Variants in SPTBN2 observed in about 807,000 individuals in gnomAD.
The protein encoded by SPTBN2 is spectrin beta chain, non-erythrocytic 2.
In SPTBN2, 107 loss-of-function variants were observed where a neutral mutation model predicts 284.2. The observed-to-expected ratio is 0.38, with a 90% CI of 0.32 to 0.44. SPTBN2 has a LOEUF of 0.44. SPTBN2 is among the 20% of genes least tolerant of loss of function. SPTBN2 has a pLI of 1.00. For synonymous variants in SPTBN2, 1,289 were observed against 1,354.8 expected (o/e 0.95, Z 1.07); for missense variants, 2,569 against 3,287.1 (o/e 0.78, Z 5.34).
At chr11:66,737,919 TTTC>T (rs1479248586) in intron 1 of SPTBN2, among the ~76,000 whole-genome samples, 3 of 151,996 alleles carry the variant, frequency 2.0e-5, no homozygotes, top group Non-Finnish European at 4.4e-5. Context: ...ACCTTTAAGA[TTTC>T]TTCTAATTTA....
At chr11:66,690,374 C>T in intron 27 of SPTBN2, 91 bp from the exon 28 acceptor site, 1 of 1,447,546 alleles carries the variant, frequency 6.9e-7, no homozygotes, top group Non-Finnish European at 9.1e-7. Context: ...CACCTCCTGC[C>T]TGTCTCACAG....
intron 1 of SPTBN2, among the ~76,000 whole-genome samples, chr11:66,737,596 G>T (rs1190252354): frequency 1.3e-5 from 2 of 152,196 alleles, no homozygotes; most frequent in Admixed American, 6.5e-5. Context: ...AACCACTGCT[G>T]CCCAAAGCTG....
At chr11:66,731,229 T>C (rs575005949), upstream of SPTBN2, among the ~76,000 whole-genome samples, 12 of 152,298 alleles carry the variant, frequency 7.9e-5, no homozygotes, top group African/African-American at 2.4e-4. Flanking sequence ...AGGAAGCACA[T>C]TGAATAAAGA....
chr11:66,722,307 T>A (rs12788626), intron 1 of SPTBN2, among the ~76,000 whole-genome samples: 6 of 150,760 alleles, frequency 4.0e-5, no homozygotes, highest in African/African-American at 7.3e-5. Flanking sequence ...GGGCGCGGTG[T>A]CTCACGCCTG....
intron 15 of SPTBN2, among the ~76,000 whole-genome samples, chr11:66,703,475 G>A (rs1248779547): frequency 2.0e-5 from 3 of 150,494 alleles, no homozygotes; most frequent in African/African-American, 7.3e-5. Flanking sequence ...GCTCATGCCT[G>A]TAATCCCAGT....
At position 66,700,571 on chromosome 11, in the gene SPTBN2, T is replaced by A. The variant is rs761875807; in HGVS notation, c.3528A>T (p.Gly1176=). The change falls in exon 17 of 38, where the codon GGA becomes GGT. Residue 1176 remains glycine (G), a synonymous_variant. Transcript: ENST00000533211. The surrounding 1 kb of genome is among the most constrained non-coding windows in gnomAD (Gnocchi z 6.6). ...GRLAQAHGFQ[G]FLRDARQAEG... is the part of the protein sequence containing the mutation. Reference sequence around the variant, plus strand: ...CAGCCTGACGAGCATCCCGCAGGAATCCCTGGAAGCCGTGGGCCTGGGCCA... The same window carrying A: ...CAGCCTGACGAGCATCCCGCAGGAAACCCTGGAAGCCGTGGGCCTGGGCCA... 2.5e-6 allele frequency: 4 copies of A among 1,607,372 alleles called. No homozygotes were observed. The South Asian group carries it at 3.3e-5, about 13-fold the overall frequency.
At chr11:66,722,994 G>A (rs1168627277) in intron 1 of SPTBN2, among the ~76,000 whole-genome samples, 1 of 151,934 alleles carries the variant, frequency 6.6e-6, no homozygotes, top group Non-Finnish European at 1.5e-5. Context: ...GACTCTGGGG[G>A]ACACGCTCTT....
Position 66,711,016 on chromosome 11 carries a change from G to A in SPTBN2, c.786C>T (p.Asp262=). ...KLLDPEDVNV[D]QPDEKSIITY... is the part of the protein sequence containing the mutation. ...TAATGATTGACTTCTCATCTGGCTG[G>A]TCCACATTCACGTCTGCAAGAGAGG... The change falls in exon 9 of 38, where the codon GAC becomes GAT. Residue 262 remains aspartate (D), a synonymous_variant. Coordinates refer to ENST00000533211, the MANE Select transcript of SPTBN2 (RefSeq NM_006946.4). The A allele has an allele frequency of 6.2e-7, 1 of 1,614,128 alleles. No individual in the cohort carries two copies. Among genetic ancestry groups the A allele is most frequent in the Non-Finnish European group, 8.5e-7 (1 of 1,180,016 alleles).
chr11:66,717,713 GCA>G (rs1942211552), intron 3 of SPTBN2, among the ~76,000 whole-genome samples: 1 of 152,144 alleles, frequency 6.6e-6, no homozygotes, highest in Non-Finnish European at 1.5e-5. Context: ...GGCCATTTTG[GCA>G]CACAGTCAGA....
intron 5 of SPTBN2, among the ~76,000 whole-genome samples, chr11:66,714,950 C>T (rs1205299662): frequency 6.6e-6 from 1 of 152,212 alleles, no homozygotes; most frequent in African/African-American, 2.4e-5. Context: ...GTGGACCAAC[C>T]TGTGGTCCTG....
intron 3 of SPTBN2, among the ~76,000 whole-genome samples, 181 bp downstream of exon 3, chr11:66,720,903 T>C (rs543028833): frequency 6.6e-6 from 1 of 152,128 alleles, no homozygotes; most frequent in Non-Finnish European, 1.5e-5. Context: ...CTGGGGAAAG[T>C]TCTGAATGGC....
Position 66,687,435 on chromosome 11 carries a change from A to T in SPTBN2, c.6714T>A (p.Ala2238=). ...CTCCAGAGAGGCTGTACCTGTTGGCAGCCTTCTTCCCGAAGGCCTCCATCT... is the reference window on the plus strand; with the variant it reads ...CTCCAGAGAGGCTGTACCTGTTGGCTGCCTTCTTCCCGAAGGCCTCCATCT... The part of the protein sequence containing the change: ...KQEMEAFGKK[A]ANRSWQNVYC... Residue 2238 remains alanine (A), a synonymous_variant, in exon 35 of 38, where the codon GCT becomes GCA. Transcript: ENST00000533211. This position sits in a 1 kb window ranked among gnomAD's most constrained non-coding sequence, Gnocchi z 5.2. 9.3e-6 allele frequency: 15 copies of T among 1,606,292 alleles called. No individual in the cohort carries two copies. The highest frequency in any genetic ancestry group is 1.1e-5 in the Non-Finnish European group (13 of 1,179,964).
intron 25 of SPTBN2, 106 bp downstream of exon 25, chr11:66,692,864 T>C: frequency 6.3e-7 from 1 of 1,596,058 alleles, no homozygotes; most frequent in South Asian, 1.1e-5. Flanking sequence ...TCCAGCTTTC[T>C]AGAAGGCTCC....
chr11:66,739,925 G>A (rs1290856039), intron 1 of SPTBN2, among the ~76,000 whole-genome samples: 4 of 152,112 alleles, frequency 2.6e-5, no homozygotes, highest in African/African-American at 7.2e-5. Flanking sequence ...CCAGCTGCTC[G>A]TGAGGCTGAG....
intron 10 of SPTBN2, 130 bp from the exon 11 acceptor site, chr11:66,709,149 G>T: frequency 1.3e-6 from 1 of 760,804 alleles, no homozygotes. Flanking sequence ...TTATGTGGAA[G>T]CCAGAAAATA....
Position 66,692,555 on chromosome 11 carries a change from T to C in SPTBN2, c.5171A>G (p.Gln1724Arg). ...ACTCACAGTCACATGCTCGTAGTCC[T>C]GGCCCAGCTCGTGGGAGGCCGCCAC... ...EVVAASHELG[Q>R]DYEHVTMLRD... is the part of the protein sequence containing the mutation. Residue 1724 changes from glutamine (Q) to arginine (R), a missense_variant, in exon 26 of 38, where the codon CAG becomes CGG. Transcript: ENST00000533211. 5 of 1,604,412 alleles carry C rather than the reference T, an allele frequency of 3.1e-6. No individual in the cohort carries two copies. Among genetic ancestry groups the C allele is most frequent in the Non-Finnish European group, 4.2e-6 (5 of 1,179,954 alleles).
At position 66,685,571 on chromosome 11, in the gene SPTBN2, C is replaced by T. The variant is rs905507001; in HGVS notation, c.*300G>A. 3.2e-5 allele frequency: 13 copies of T among 409,424 alleles called. No homozygotes were observed. Among genetic ancestry groups the T allele is most frequent in the African/African-American group, 6.4e-5 (3 of 46,920 alleles). The allele number at this position is 409,424 out of a possible 1,614,324, so 25.4% of individuals were successfully genotyped here. A position where few individuals can be genotyped will look rare whatever the true frequency, so the allele number is the denominator to read the frequency against. On this transcript the variant is annotated 3_prime_UTR_variant, in exon 38 of 38. Coordinates refer to ENST00000533211, the MANE Select transcript of SPTBN2 (RefSeq NM_006946.4). This position sits in a 1 kb window ranked among gnomAD's most constrained non-coding sequence, Gnocchi z 4.4. Reference sequence around the variant, plus strand: ...CCCCACATGGCCTATGTTGAGGGTGCGGCACTGTCCACACCGTGGTGAGGG... The same window carrying T: ...CCCCACATGGCCTATGTTGAGGGTGTGGCACTGTCCACACCGTGGTGAGGG...
At position 66,701,029 on chromosome 11, in the gene SPTBN2, C is replaced by T. The variant is rs1191900613; in HGVS notation, c.3070G>A (p.Ala1024Thr). Reference protein sequence around the residue: ...RVGELTREANALAAGHPAQAV... With the variant: ...RVGELTREANTLAAGHPAQAV... ...TGAGCGGGATGGCCGGCAGCCAGGG[C>T]ATTTGCCTCTCGAGTCAGTTCGCCC... is the stretch of plus-strand genomic sequence containing the variant. The change falls in exon 17 of 38, where the codon GCC becomes ACC. Residue 1024 changes from alanine (A) to threonine (T), a missense_variant. By Grantham distance (58) the Ala-to-Thr change is moderately conservative (BLOSUM62 0). Transcript: ENST00000533211. 6 of 1,608,746 alleles carry T rather than the reference C, an allele frequency of 3.7e-6. No homozygotes were observed. Among genetic ancestry groups the T allele is most frequent in the African/African-American group, 1.3e-5 (1 of 74,942 alleles).
At chr11:66,696,562 G>T (rs780976086) in intron 20 of SPTBN2, 22 bp from the exon 21 acceptor site, 1 of 1,609,054 alleles carries the variant, frequency 6.2e-7, no homozygotes, top group Non-Finnish European at 8.5e-7. Flanking sequence ...GACAGAAAAT[G>T]TCAAAGTGCC....
Sources: allele counts gnomAD v4.1 joint callset (sites outside exome capture counted in the v4.1 genomes callset), GRCh38; gene constraint gnomAD v4.1.1; non-coding constraint Gnocchi (gnomAD v3.1); transcripts MANE v1.5; gene names NCBI Gene and HGNC (gene_info 2026-07-23, HGNC 2026-07-21).